The following GLB1L variants were observed in gnomAD, a reference collection of about 807,000 sequenced individuals.
GLB1L encodes galactosidase beta 1 like.
A neutral mutation model predicts 75.7 loss-of-function variants in GLB1L; 58 were observed. The ratio of observed to expected loss-of-function variants is 0.77; its 90% CI spans 0.62 to 0.95. GLB1L has a LOEUF of 0.95. GLB1L is among the 40% of genes least tolerant of loss of function. GLB1L has a pLI of 0.00. For missense variants in GLB1L, 797 were observed against 805.5 expected, an observed-to-expected ratio of 0.99 and a Z score of 0.13; for synonymous variants, 296 against 303.0, an observed-to-expected ratio of 0.98 and a Z score of 0.24.
chr2:219,238,611 A>G (rs777489339), intron 12 of GLB1L, 27 bp from the exon 13 acceptor site: 7 of 1,605,620 alleles, frequency 4.4e-6, no homozygotes, highest in African/African-American at 1.3e-5. Flanking sequence ...GAAGAATTAG[A>G]ATATCAGGGA....
Position 219,237,065 on chromosome 2 carries a change from C to T in GLB1L, c.*7G>A. ...ACAGGCATGAGCCACCATGCCCGGC[C>T]TACCTTTCAGTGCCCACTTAACTCC... On this transcript the variant is annotated 3_prime_UTR_variant, in exon 17 of 17. Coordinates refer to ENST00000295759, the MANE Select transcript of GLB1L (RefSeq NM_001286423.2). 4 of 1,596,692 alleles carry T rather than the reference C, an allele frequency of 2.5e-6. No individual in the cohort carries two copies. Among genetic ancestry groups the T allele is most frequent in the Non-Finnish European group, 3.4e-6 (4 of 1,166,324 alleles).
chr2:219,241,040 G>GCGCC (rs1191670935), intron 5 of GLB1L, among the ~76,000 whole-genome samples: 1 of 149,230 alleles, frequency 6.7e-6, no homozygotes, highest in African/African-American at 2.5e-5. Context: ...AAGGTCACGT[G>GCGCC]ACTGCACTCC....
chr2:219,241,080 C>CA (rs1001662510), intron 5 of GLB1L, among the ~76,000 whole-genome samples: 16 of 147,982 alleles, frequency 1.1e-4, no homozygotes, highest in East Asian at 2.0e-4. Context: ...GACTCCGTCT[C>CA]AAAAAAAAAT....
Position 219,242,907 on chromosome 2 carries a change from C to G in GLB1L, c.251G>C (p.Trp84Ser), listed in dbSNP as rs1227818072. ...GLNAIQFYVP[W>S]NYHEPQPGVY... ...CCCAGGCTGTGGCTCGTGGTAGTTC[C>G]AGGGCACATAACTGAGAAAGGAAGA... Residue 84 changes from tryptophan (W) to serine (S), a missense_variant, in exon 4 of 17, where the codon TGG (tryptophan) becomes TCG (serine). Coordinates refer to ENST00000295759, the MANE Select transcript of GLB1L (RefSeq NM_001286423.2). 5 of 1,614,078 alleles carry G rather than the reference C, an allele frequency of 3.1e-6. No homozygotes were observed. Among genetic ancestry groups the G allele is most frequent in the South Asian group, 2.2e-5 (2 of 91,088 alleles).
At chr2:219,238,629 G>C in intron 12 of GLB1L, 45 bp from the exon 13 acceptor site, 1 of 1,599,874 alleles carries the variant, frequency 6.3e-7, no homozygotes. Context: ...GGAAGTTTCT[G>C]GATAGAGGAC....
At position 219,237,511 on chromosome 2, in the gene GLB1L, C is replaced by A; in HGVS notation, c.1689+1G>T. On this transcript the variant is annotated splice_donor_variant, in intron 16 of 16. Coordinates refer to ENST00000295759, the MANE Select transcript of GLB1L (RefSeq NM_001286423.2). LOFTEE classifies it high-confidence loss of function. ...ACCCAAACCACCACCATTACCAATA[C>A]CTTGGTCCATCCAGGTAGATATAGA... 1 of 1,613,024 alleles carries A rather than the reference C, an allele frequency of 6.2e-7. No homozygotes were observed.
In GLB1L at chr2:219,242,760, T is replaced by C; in HGVS notation, c.390+8A>G. 5.6e-6 allele frequency: 9 copies of C among 1,614,090 alleles called. No individual in the cohort carries two copies. The highest frequency in any genetic ancestry group is 6.8e-6 in the Non-Finnish European group (8 of 1,179,948). On this transcript the variant is annotated splice_region_variant and intron_variant, in intron 4 of 16. Coordinates refer to ENST00000295759, the MANE Select transcript of GLB1L (RefSeq NM_001286423.2). ...TAACTGGTTCTATCCCTTCTCCAGC[T>C]AACTCACCATCTCCCACTCTGCACA...
At chr2:219,238,447 C>G in intron 13 of GLB1L, 48 bp downstream of exon 13, 1 of 1,576,250 alleles carries the variant, frequency 6.3e-7, no homozygotes, top group East Asian at 2.2e-5. Flanking sequence ...TTGCGTATAG[C>G]TGTTAAGGGA....
chr2:219,243,462 C>T, intron 2 of GLB1L, 40 bp downstream of exon 2: 3 of 1,611,434 alleles, frequency 1.9e-6, no homozygotes, highest in Non-Finnish European at 2.5e-6. Flanking sequence ...TCTGATCCCG[C>T]TCACCGCACC....
At position 219,236,996 on chromosome 2, in the gene GLB1L, C is replaced by G. The variant is rs1297841809; in HGVS notation, c.*76G>C. On this transcript the variant is annotated 3_prime_UTR_variant, in exon 17 of 17. Coordinates refer to ENST00000295759, the MANE Select transcript of GLB1L (RefSeq NM_001286423.2). ...GGCCAGGCTGGTCTTGAAGTCCTGA[C>G]CTCAGGTAATCCACCCGTCTCAGCC... 1 of 1,092,822 alleles carries G rather than the reference C, an allele frequency of 9.2e-7. No individual in the cohort carries two copies. The highest frequency in any genetic ancestry group is 1.4e-6 in the Non-Finnish European group (1 of 735,670). 67.7% of individuals were successfully genotyped at this position (1,092,822 alleles called of 1,614,324 possible).
At chr2:219,238,898 C>A in intron 11 of GLB1L, 119 bp from the exon 12 acceptor site, 1 of 945,814 alleles carries the variant, frequency 1.1e-6, no homozygotes, top group Non-Finnish European at 1.6e-6. Context: ...ATCATGGAGG[C>A]TCAATAATTT....
Position 219,239,402 on chromosome 2 carries a change from T to TGGACTCACG in GLB1L, c.943+8_943+9insCGTGAGTCC, listed in dbSNP as rs1333092883. ...CCCTGCTTCTATCCCAGGGACCATC[T>TGGACTCACG]GGACTCACCATTCCAATATCCAAAG... On this transcript the variant is annotated intron_variant, in intron 10 of 16. Coordinates refer to ENST00000295759, the MANE Select transcript of GLB1L (RefSeq NM_001286423.2). The TGGACTCACG allele has an allele frequency of 7.5e-6, 12 of 1,592,308 alleles. No homozygotes were observed. The highest frequency in any genetic ancestry group is 1.0e-5 in the Non-Finnish European group (12 of 1,168,218).
At chr2:219,239,498 A>C in intron 9 of GLB1L, 47 bp from the exon 10 acceptor site, 1 of 1,613,116 alleles carries the variant, frequency 6.2e-7, no homozygotes, top group Non-Finnish European at 8.5e-7. Flanking sequence ...GACTCACTGA[A>C]TCTTAACTTT....
At chr2:219,241,092 A>G (rs1156750364) in intron 5 of GLB1L, among the ~76,000 whole-genome samples, 1 of 151,760 alleles carries the variant, frequency 6.6e-6, no homozygotes, top group Non-Finnish European at 1.5e-5. Context: ...AAAAAAAATA[A>G]CAATTATGCC....
intron 1 of GLB1L, among the ~76,000 whole-genome samples, chr2:219,244,774 T>C (rs1574874439): frequency 6.6e-6 from 1 of 152,282 alleles, no homozygotes; most frequent in East Asian, 1.9e-4. Flanking sequence ...CATTTAATCT[T>C]CAACTCCATG....
intron 11 of GLB1L, 119 bp from the exon 12 acceptor site, chr2:219,238,898 C>T (rs1440441853): frequency 1.1e-6 from 1 of 945,814 alleles, no homozygotes; most frequent in African/African-American, 1.7e-5. Flanking sequence ...ATCATGGAGG[C>T]TCAATAATTT....
intron 3 of GLB1L, 22 bp from the exon 4 acceptor site, chr2:219,242,940 A>T (rs1559267906): frequency 6.2e-7 from 1 of 1,613,850 alleles, no homozygotes; most frequent in Admixed American, 1.7e-5. Flanking sequence ...AGAGGTTAAT[A>T]GGAACCAAGG....
intron 1 of GLB1L, among the ~76,000 whole-genome samples, 192 bp downstream of exon 1, chr2:219,245,036 TG>T (rs1303375404): frequency 2.6e-5 from 4 of 152,226 alleles, no homozygotes; most frequent in African/African-American, 4.8e-5. Flanking sequence ...ATTTAGAAAC[TG>T]GAAGTCTGGT....
In GLB1L at chr2:219,236,631, A is replaced by C. The variant is rs1128777; in HGVS notation, c.*441T>G. 1 of 794,856 alleles carries C rather than the reference A, an allele frequency of 1.3e-6. No individual in the cohort carries two copies. The highest frequency in any genetic ancestry group is 1.9e-6 in the Non-Finnish European group (1 of 530,162). The allele number at this position is 794,856 out of a possible 1,614,324, so 49.2% of individuals were successfully genotyped here. A position where few individuals can be genotyped will look rare whatever the true frequency, so the allele number is the denominator to read the frequency against. On this transcript the variant is annotated 3_prime_UTR_variant, in exon 17 of 17. Transcript: ENST00000295759. ...TGGTACTGTCTCTGGAATTTTAATCACAATAAAGTTTGGCAAGGAATGTGT... is the reference window on the plus strand; with the variant it reads ...TGGTACTGTCTCTGGAATTTTAATCCCAATAAAGTTTGGCAAGGAATGTGT...
Sources: gnomAD v4.1 joint callset for allele counts (sites outside exome capture counted in the v4.1 genomes callset) on GRCh38, gnomAD v4.1.1 for gene constraint, MANE v1.5 for transcripts, NCBI Gene and HGNC (gene_info 2026-07-23, HGNC 2026-07-21) for gene names.